Variants in FRMD3 observed in about 807,000 individuals in gnomAD.
FRMD3 encodes FERM domain containing 3, also known as FERM domain-containing protein 3.
A neutral mutation model predicts 70.2 loss-of-function variants in FRMD3; 33 were observed. The observed-to-expected ratio is 0.47, with a 90% CI of 0.36 to 0.63. FRMD3 has a LOEUF of 0.63. FRMD3 is among the 20% of genes least tolerant of loss of function. FRMD3 has a pLI of 0.00. For missense variants in FRMD3, 632 were observed against 711.4 expected (o/e 0.89, Z 1.27); for synonymous variants, 279 against 255.9 (o/e 1.09, Z -0.86).
rs1835160655 is a variant in FRMD3 at position 83,307,040 on chromosome 9, T to TA, written c.926+2495dup. ...AAATAGAAATCAGATCTAGTACAGA[T>TA]ACATAGTACAGATATATAAAATTCT... On this transcript the variant is annotated intron_variant, in intron 10 of 13. Coordinates refer to ENST00000304195, the MANE Select transcript of FRMD3 (RefSeq NM_174938.6). Among the ~76,000 whole-genome samples, 4 of 152,346 alleles carry TA rather than the reference T, an allele frequency of 2.6e-5. No individual in the cohort carries two copies. The South Asian group carries it at 8.3e-4, about 32-fold the overall frequency.
chr9:83,389,675 TGTG>T lies in FRMD3; in HGVS notation c.178_180del (p.His60del). 6.2e-7 allele frequency: 1 copy of T among 1,613,998 alleles called. No homozygotes were observed. The highest frequency in any genetic ancestry group is 2.2e-5 in the East Asian group (1 of 44,862). ...TCCAGCAGGCTGTAGTAGTTGCAGA[TGTG>T]GTCAATGAGAAACTGCCCTTTGGTT... On this transcript the variant is annotated inframe_deletion, in exon 2 of 14. Transcript: ENST00000304195.
intron 6 of FRMD3, among the ~76,000 whole-genome samples, chr9:83,332,302 T>C (rs1823405292): frequency 6.6e-6 from 1 of 152,178 alleles, no homozygotes. Flanking sequence ...ATCAATCTAA[T>C]TTAGTTCATG....
intron 1 of FRMD3, among the ~76,000 whole-genome samples, chr9:83,477,571 A>G (rs1246691107): frequency 1.3e-5 from 2 of 152,190 alleles, no homozygotes; most frequent in Non-Finnish European, 2.9e-5. Context: ...CCACCTCCCC[A>G]GATAACCAGC....
chr9:83,318,867 T>C (rs1441681636), intron 6 of FRMD3, among the ~76,000 whole-genome samples: 1 of 152,214 alleles, frequency 6.6e-6, no homozygotes, highest in Non-Finnish European at 1.5e-5. Flanking sequence ...GGTCTCTCAT[T>C]GTGGTTTTAA....
In FRMD3 at chr9:83,490,798, T is replaced by TCTCACA. The variant is rs752047493; in HGVS notation, c.147+47286_147+47287insTGTGAG. On this transcript the variant is annotated intron_variant, in intron 1 of 13. Transcript: ENST00000304195. ...CTCTCTCTCTCTCTCTCTCTCTCTC[T>TCTCACA]CACACACACACACACACACACACAC... 4.8e-3 allele frequency among the ~76,000 whole-genome samples: 529 copies of TCTCACA among 110,754 alleles called. 4 individuals are homozygous for TCTCACA. Among genetic ancestry groups the TCTCACA allele is most frequent in the East Asian group, 0.031 (119 of 3,804 alleles). The allele number at this position is 110,754 out of a possible 152,430, so 72.7% of individuals were successfully genotyped here. A position where few individuals can be genotyped will look rare whatever the true frequency, so the allele number is the denominator to read the frequency against.
intron 1 of FRMD3, among the ~76,000 whole-genome samples, chr9:83,436,788 A>G (rs1827148564): frequency 1.3e-5 from 2 of 150,038 alleles, no homozygotes; most frequent in Admixed American, 6.6e-5. Flanking sequence ...GGGGAAAAAA[A>G]AAAAAAAAAA....
At chr9:83,243,149 T>C (rs1831939388), downstream of FRMD3, 1 of 1,542,196 alleles carries the variant, frequency 6.5e-7, no homozygotes, top group Non-Finnish European at 8.8e-7. Flanking sequence ...GGCTGGAACA[T>C]GGAGAGCCAA....
chr9:83,583,922 C>T, the FRMD3 span, among the ~76,000 whole-genome samples: 1 of 152,210 alleles, frequency 6.6e-6, no homozygotes, highest in East Asian at 1.9e-4. Flanking sequence ...CTTGTCTTCC[C>T]TGAACCCACC....
At chr9:83,343,398 G>T in intron 4 of FRMD3, 111 bp from the exon 5 acceptor site, 1 of 706,604 alleles carries the variant, frequency 1.4e-6, no homozygotes, top group Non-Finnish European at 2.5e-6. Context: ...CAGCTCTAGA[G>T]ACTGGCTTAG....
intron 6 of FRMD3, among the ~76,000 whole-genome samples, chr9:83,332,155 C>T (rs1823399871): frequency 6.6e-6 from 1 of 152,202 alleles, no homozygotes; most frequent in African/African-American, 2.4e-5. Context: ...TCTAACTGAT[C>T]TTGACTGAAA....
At chr9:83,492,623 G>A (rs561735739) in intron 1 of FRMD3, among the ~76,000 whole-genome samples, 105 of 152,250 alleles carry the variant, frequency 6.9e-4, no homozygotes, top group African/African-American at 2.4e-3. Context: ...TGGCCACCGG[G>A]GCCTCTGGGG....
downstream of FRMD3, among the ~76,000 whole-genome samples, chr9:83,244,144 A>AAAG (rs10652501): frequency 0.67 from 101,035 of 150,354 alleles, 36,926 homozygotes; most frequent in East Asian, 0.96. Flanking sequence ...CAAAAAAAAA[A>AAAG]AAGTGGAATC....
chr9:83,452,181 G>A (rs922937792), intron 1 of FRMD3, among the ~76,000 whole-genome samples: 3 of 152,122 alleles, frequency 2.0e-5, no homozygotes, highest in Non-Finnish European at 2.9e-5. Context: ...TGCGGTAGAC[G>A]CTCCGTATGT....
At position 83,537,489 on chromosome 9, in the gene FRMD3, G is replaced by A. The variant is rs1235843683; in HGVS notation, c.147+596C>T. On this transcript the variant is annotated intron_variant, in intron 1 of 13. Transcript: ENST00000304195. This position sits in a 1 kb window ranked among gnomAD's most constrained non-coding sequence, Gnocchi z 4.1. ...GCGCGCTCCATCCCTCAAGGCTGGC[G>A]CCCAGGGCAGCCCGGCCTCTCTCAC... 6.6e-6 allele frequency among the ~76,000 whole-genome samples: 1 copy of A among 152,184 alleles called. No homozygotes were observed. The highest frequency in any genetic ancestry group is 2.4e-5 in the African/African-American group (1 of 41,460).
At chr9:83,296,477 A>G (rs978337974) in intron 12 of FRMD3, among the ~76,000 whole-genome samples, 2 of 152,240 alleles carry the variant, frequency 1.3e-5, no homozygotes, top group African/African-American at 4.8e-5. Flanking sequence ...TGACCAAGAT[A>G]GACACGGTCC....
chr9:83,387,092 C>T (rs960204248), intron 2 of FRMD3, among the ~76,000 whole-genome samples: 1 of 152,034 alleles, frequency 6.6e-6, no homozygotes, highest in African/African-American at 2.4e-5. Flanking sequence ...AAAAAAATGC[C>T]TTGGAAAGGA....
chr9:83,401,975 G>T (rs1259702037), intron 1 of FRMD3, among the ~76,000 whole-genome samples: 1 of 151,938 alleles, frequency 6.6e-6, no homozygotes, highest in Non-Finnish European at 1.5e-5. Flanking sequence ...TTTTAAATAT[G>T]CACCTAAAAT....
chr9:83,558,290 G>A, the FRMD3 span, among the ~76,000 whole-genome samples: 3 of 151,932 alleles, frequency 2.0e-5, no homozygotes, highest in Non-Finnish European at 4.4e-5. Flanking sequence ...GCGCGCGCAC[G>A]CACATGTGCA....
rs1317034161 is a variant in FRMD3, at chr9:83,338,606, A to G, written c.473-2967T>C. 3.3e-5 allele frequency among the ~76,000 whole-genome samples: 5 copies of G among 152,194 alleles called. 1 individual carries two copies. The highest frequency in any genetic ancestry group is 1.2e-4 in the African/African-American group (5 of 41,448). On this transcript the variant is annotated intron_variant, in intron 5 of 13. Transcript: ENST00000304195. ...GACAGATCCCAAAAGCAGTGTTCTG[A>G]GCGTAAGAAGGAGGGAATACAATGA...
Sources: gnomAD v4.1 joint callset for allele counts (sites outside exome capture counted in the v4.1 genomes callset) on GRCh38, gnomAD v4.1.1 for gene constraint, Gnocchi (gnomAD v3.1) non-coding constraint, MANE v1.5 for transcripts, NCBI Gene and HGNC (gene_info 2026-07-23, HGNC 2026-07-21) for gene names.